The following CNIH3 variants were observed in gnomAD, a reference collection of about 807,000 sequenced individuals.
The protein encoded by CNIH3 is protein cornichon homolog 3.
CNIH3 carries 14 observed loss-of-function variants against 24.1 expected under a neutral mutation model. The ratio of observed to expected loss-of-function variants is 0.58; its 90% CI spans 0.38 to 0.91. The LOEUF (loss-of-function observed/expected upper bound fraction) is 0.91. CNIH3 is among the 40% of genes least tolerant of loss of function. The pLI is 0.00. For synonymous variants in CNIH3, 68 were observed against 73.8 expected, an observed-to-expected ratio of 0.92 and a Z score of 0.40; for missense variants, 178 against 196.8, an observed-to-expected ratio of 0.90 and a Z score of 0.57.
chr1:224,465,667 G>T (rs558234554), intron 1 of CNIH3, among the ~76,000 whole-genome samples: 1 of 152,258 alleles, frequency 6.6e-6, no homozygotes, highest in South Asian at 2.1e-4. Context: ...TGTATAGAAA[G>T]GTCCTGTGCA....
chr1:224,568,703 T>C (rs949140225), intron 4 of CNIH3, among the ~76,000 whole-genome samples: 6 of 151,756 alleles, frequency 4.0e-5, no homozygotes, highest in Admixed American at 2.0e-4. Flanking sequence ...GTAGTGAACC[T>C]TGATCACGTC....
At chr1:224,479,874 G>A (rs542170422) in intron 1 of CNIH3, among the ~76,000 whole-genome samples, 243 of 152,308 alleles carry the variant, frequency 1.6e-3, no homozygotes, top group African/African-American at 5.7e-3. Context: ...GGCACATGCT[G>A]CAAGCTGTCA....
chr1:224,589,807 T>C (rs1681673471), downstream of CNIH3, among the ~76,000 whole-genome samples: 2 of 152,048 alleles, frequency 1.3e-5, no homozygotes, highest in African/African-American at 4.8e-5. Context: ...CCAGCTCCTC[T>C]AAAGAGGTTG....
chr1:224,627,955 T>C (rs1683623091), intron 1 of CNIH3, among the ~76,000 whole-genome samples: 1 of 152,204 alleles, frequency 6.6e-6, no homozygotes, highest in South Asian at 2.1e-4. Flanking sequence ...GAAGGATTGA[T>C]ACAGGCCCTG....
At chr1:224,538,330 T>A (rs1251138223), downstream of CNIH3, among the ~76,000 whole-genome samples, 2 of 152,154 alleles carry the variant, frequency 1.3e-5, no homozygotes, top group African/African-American at 4.8e-5. Flanking sequence ...ATTCATCCCA[T>A]AAGAGTCTCA....
At chr1:224,730,007 T>C (rs909426113) in intron 3 of CNIH3, among the ~76,000 whole-genome samples, 3 of 152,218 alleles carry the variant, frequency 2.0e-5, no homozygotes, top group African/African-American at 4.8e-5. Flanking sequence ...AATGTACATA[T>C]TCACTTTAGG....
Position 224,594,971 on chromosome 1 carries a change from A to G in CNIH3, n.402+28707A>G, listed in dbSNP as rs540550287. On this transcript the variant is annotated intron_variant and non_coding_transcript_variant, in intron 3 of 7. Coordinates refer to the CNIH3 transcript ENST00000478120. ...TGTATTTTTTACAAATTGAAGGTTC[A>G]TGAGAACCTTGTGTTGAGCAAGTCT... Among the ~76,000 whole-genome samples the G allele has an allele frequency of 3.3e-5, 5 of 152,376 alleles. No individual in the cohort carries two copies. The East Asian group carries it at 9.6e-4, about 29-fold the overall frequency.
intron 1 of CNIH3, among the ~76,000 whole-genome samples, chr1:224,624,882 T>TC (rs1683443483): frequency 3.3e-5 from 5 of 152,222 alleles, no homozygotes; most frequent in Admixed American, 3.3e-4. Context: ...AAATGGGCTG[T>TC]TCTGTCTCCC....
chr1:224,593,484 G>A (rs893798557), downstream of CNIH3, among the ~76,000 whole-genome samples: 1 of 152,128 alleles, frequency 6.6e-6, no homozygotes, highest in Non-Finnish European at 1.5e-5. Flanking sequence ...GCTTGAAAGT[G>A]GGAAGCTCAA....
intron 1 of CNIH3, among the ~76,000 whole-genome samples, chr1:224,644,957 C>G (rs1376748751): frequency 6.6e-6 from 1 of 152,204 alleles, no homozygotes; most frequent in Non-Finnish European, 1.5e-5. Flanking sequence ...GCTGAGATCT[C>G]TGTGTGGCCA....
At chr1:224,520,632 G>A (rs765972900) in intron 1 of CNIH3, among the ~76,000 whole-genome samples, 15 of 152,226 alleles carry the variant, frequency 9.9e-5, no homozygotes, top group Non-Finnish European at 8.8e-5. Context: ...AACAGTGATA[G>A]AGGTTCTGGG....
chr1:224,504,995 TC>T (rs1407622177), intron 1 of CNIH3, among the ~76,000 whole-genome samples: 11 of 47,936 alleles, frequency 2.3e-4, no homozygotes, highest in African/African-American at 8.4e-4. Flanking sequence ...ATTTTCCCTT[TC>T]CCTCCCTCCC....
At chr1:224,540,359 C>G (rs977774388), downstream of CNIH3, among the ~76,000 whole-genome samples, 4 of 152,212 alleles carry the variant, frequency 2.6e-5, no homozygotes, top group African/African-American at 9.6e-5. Flanking sequence ...AAAATCAGCT[C>G]TGCTGCAAAG....
chr1:224,490,374 A>G (rs546801580), intron 1 of CNIH3, among the ~76,000 whole-genome samples: 1 of 152,320 alleles, frequency 6.6e-6, no homozygotes, highest in South Asian at 2.1e-4. Flanking sequence ...AGAATTATAG[A>G]GAGTAATCCT....
intron 4 of CNIH3, among the ~76,000 whole-genome samples, chr1:224,569,395 A>G (rs1478431137): frequency 6.6e-6 from 1 of 152,170 alleles, no homozygotes; most frequent in Non-Finnish European, 1.5e-5. Flanking sequence ...AGAGCATATA[A>G]ATACACCACA....
intron 1 of CNIH3, among the ~76,000 whole-genome samples, chr1:224,647,039 C>A (rs575302544): frequency 6.6e-6 from 1 of 152,100 alleles, no homozygotes; most frequent in African/African-American, 2.4e-5. Context: ...CAAGCCAGGG[C>A]GCAGTGGTGC....
chr1:224,670,212 A>G (rs1685797477), intron 1 of CNIH3, among the ~76,000 whole-genome samples: 1 of 152,182 alleles, frequency 6.6e-6, no homozygotes, highest in Non-Finnish European at 1.5e-5. Context: ...AGAGAGAGGC[A>G]TGGAGCCGGG....
At chr1:224,567,361 G>A (rs1187858013) in intron 4 of CNIH3, among the ~76,000 whole-genome samples, 2 of 152,074 alleles carry the variant, frequency 1.3e-5, no homozygotes, top group East Asian at 1.9e-4. Flanking sequence ...GTGCAGAAGC[G>A]CTTTAGTTTA....
At chr1:224,618,094 C>G (rs1217723349) in intron 1 of CNIH3, among the ~76,000 whole-genome samples, 1 of 152,200 alleles carries the variant, frequency 6.6e-6, no homozygotes, top group Admixed American at 6.5e-5. Flanking sequence ...TAGAGGAGCG[C>G]AAGCTTCTGA....
Sources: gnomAD v4.1 joint callset for allele counts (sites outside exome capture counted in the v4.1 genomes callset) on GRCh38, gnomAD v4.1.1 for gene constraint, MANE v1.5 for transcripts, NCBI Gene and HGNC (gene_info 2026-07-23, HGNC 2026-07-21) for gene names.